GABRB2: variants seen among roughly 807,000 people sequenced by gnomAD.
GABRB2 encodes gamma-aminobutyric acid type A receptor subunit beta2, also known as gamma-aminobutyric acid receptor subunit beta-2.
A neutral mutation model predicts 54.7 loss-of-function variants in GABRB2; 16 were observed. The ratio of observed to expected loss-of-function variants is 0.29; its 90% CI spans 0.20 to 0.44. The LOEUF (loss-of-function observed/expected upper bound fraction) is 0.44. GABRB2 is among the 20% of genes least tolerant of loss of function. The pLI, the probability that GABRB2 is intolerant of heterozygous loss-of-function variation, is 1.00. For missense variants in GABRB2, 355 were observed against 644.0 expected, an observed-to-expected ratio of 0.55 and a Z score of 4.86; for synonymous variants, 244 against 233.8, an observed-to-expected ratio of 1.04 and a Z score of -0.40.
chr5:161,481,101 A>G (rs1758749082), intron 3 of GABRB2, among the ~76,000 whole-genome samples: 1 of 152,058 alleles, frequency 6.6e-6, no homozygotes, highest in Non-Finnish European at 1.5e-5. Context: ...GTTATCTGGT[A>G]TGTATCAAGT....
chr5:161,438,761 A>C (rs1757379972), intron 4 of GABRB2, among the ~76,000 whole-genome samples: 2 of 152,100 alleles, frequency 1.3e-5, no homozygotes, highest in Non-Finnish European at 2.9e-5. Context: ...TGGCATACCA[A>C]AGAATGCATC....
chr5:161,409,645 C>T (rs1180594933), intron 5 of GABRB2, among the ~76,000 whole-genome samples: 2 of 152,120 alleles, frequency 1.3e-5, no homozygotes, highest in Non-Finnish European at 2.9e-5. Context: ...CATACTTTCA[C>T]CACAGAAATT....
At chr5:161,317,200 A>T (rs1391387479) in intron 9 of GABRB2, among the ~76,000 whole-genome samples, 2 of 152,168 alleles carry the variant, frequency 1.3e-5, no homozygotes, top group East Asian at 3.9e-4. Context: ...ATTACTCAAT[A>T]TGAGTACAGT....
At chr5:161,483,382 A>G (rs1758823188) in intron 3 of GABRB2, among the ~76,000 whole-genome samples, 1 of 152,020 alleles carries the variant, frequency 6.6e-6, no homozygotes, top group Non-Finnish European at 1.5e-5. Flanking sequence ...CCTCTCAAAA[A>G]ATAATTCTGA....
chr5:161,484,130 T>C (rs1228016276), intron 3 of GABRB2, among the ~76,000 whole-genome samples: 3 of 151,984 alleles, frequency 2.0e-5, no homozygotes, highest in Admixed American at 6.6e-5. Flanking sequence ...ATTGACACTA[T>C]GCCTATCTTA....
At chr5:161,294,939 G>A (rs969081038) in intron 9 of GABRB2, among the ~76,000 whole-genome samples, 1 of 152,034 alleles carries the variant, frequency 6.6e-6, no homozygotes, top group Non-Finnish European at 1.5e-5. Flanking sequence ...CATTTTTTTG[G>A]ATACAATTTC....
intron 4 of GABRB2, among the ~76,000 whole-genome samples, chr5:161,412,820 G>C (rs772979121): frequency 1.7e-4 from 26 of 152,174 alleles, no homozygotes; most frequent in Admixed American, 4.6e-4. Flanking sequence ...CCCACCCAAA[G>C]TGGTTGCCTT....
intron 7 of GABRB2, among the ~76,000 whole-genome samples, chr5:161,332,160 C>T (rs1239606704): frequency 3.8e-5 from 4 of 105,986 alleles, no homozygotes; most frequent in Admixed American, 1.1e-4. Flanking sequence ...AGCAAGACTC[C>T]GTCTCAAAAA....
chr5:161,461,806 A>G (rs943985140), intron 3 of GABRB2, among the ~76,000 whole-genome samples: 3 of 152,196 alleles, frequency 2.0e-5, no homozygotes, highest in Admixed American at 1.3e-4. Flanking sequence ...CAGGGCTCAA[A>G]TAACAAATGA....
At chr5:161,496,429 A>G (rs1198496066) in intron 3 of GABRB2, among the ~76,000 whole-genome samples, 1 of 152,096 alleles carries the variant, frequency 6.6e-6, no homozygotes, top group Non-Finnish European at 1.5e-5. Flanking sequence ...CTAGTTATTT[A>G]ACAACATATA....
chr5:161,416,614 G>A (rs527930658), intron 4 of GABRB2, among the ~76,000 whole-genome samples: 4 of 146,420 alleles, frequency 2.7e-5, no homozygotes, highest in South Asian at 2.2e-4. Context: ...GGAGAATGGC[G>A]TGAACCCGGG....
Position 161,523,280 on chromosome 5 carries a change from C to T in GABRB2, c.237+21947G>A, listed in dbSNP as rs573085585. Among the ~76,000 whole-genome samples, 64 of 151,600 alleles carry T rather than the reference C, an allele frequency of 4.2e-4. 1 individual carries two copies. The highest frequency in any genetic ancestry group is 1.5e-3 in the African/African-American group (61 of 41,500). On this transcript the variant is annotated intron_variant, in intron 3 of 9. Transcript: ENST00000393959. ...CTACAAACTTTCACAAGTAATCCTA[C>T]CTTTATTAGTTTTAAGAAAAAATTC...
chr5:161,308,120 C>T (rs1418292599), intron 9 of GABRB2, among the ~76,000 whole-genome samples: 1 of 152,124 alleles, frequency 6.6e-6, no homozygotes, highest in Non-Finnish European at 1.5e-5. Context: ...CTCGGCCTCA[C>T]AAAGTGCTGG....
At chr5:161,538,739 G>C (rs1760721700) in intron 3 of GABRB2, among the ~76,000 whole-genome samples, 1 of 152,074 alleles carries the variant, frequency 6.6e-6, no homozygotes, top group East Asian at 1.9e-4. Flanking sequence ...TGAGAGAATT[G>C]CTTGGGTCCA....
At chr5:161,378,449 C>T (rs1755371469) in intron 5 of GABRB2, among the ~76,000 whole-genome samples, 1 of 152,062 alleles carries the variant, frequency 6.6e-6, no homozygotes, top group Non-Finnish European at 1.5e-5. Flanking sequence ...CTTATTCTAG[C>T]CCTTAAAATG....
intron 5 of GABRB2, among the ~76,000 whole-genome samples, chr5:161,402,717 T>G (rs1756233156): frequency 6.6e-6 from 1 of 152,146 alleles, no homozygotes; most frequent in Non-Finnish European, 1.5e-5. Context: ...CCTGGGAATT[T>G]GTTAGAAATG....
chr5:161,376,074 T>A (rs1049129659), intron 5 of GABRB2, among the ~76,000 whole-genome samples: 1 of 152,184 alleles, frequency 6.6e-6, no homozygotes, highest in Non-Finnish European at 1.5e-5. Context: ...TTTAGCCACA[T>A]AGTCTAAAAT....
chr5:161,460,432 A>T (rs1428047267), intron 3 of GABRB2, among the ~76,000 whole-genome samples: 1 of 152,240 alleles, frequency 6.6e-6, no homozygotes, highest in African/African-American at 2.4e-5. Context: ...AGAAGTGAAG[A>T]GAATATATTC....
At chr5:161,332,557 G>C (rs1161665835) in intron 7 of GABRB2, among the ~76,000 whole-genome samples, 16 of 152,116 alleles carry the variant, frequency 1.1e-4, no homozygotes, top group Non-Finnish European at 1.3e-4. Flanking sequence ...GAAAGTCCAA[G>C]GTCCTGAATA....
Sources: gnomAD v4.1 joint callset for allele counts (sites outside exome capture counted in the v4.1 genomes callset) on GRCh38, gnomAD v4.1.1 for gene constraint, MANE v1.5 for transcripts, NCBI Gene and HGNC (gene_info 2026-07-23, HGNC 2026-07-21) for gene names.